Variants in PHB1 observed in about 807,000 individuals in gnomAD.
PHB1 encodes epididymis luminal protein 215.
chr17:49,409,543 G>GTTTTTTTTTTTT, the PHB1 span: 3 of 839,080 alleles, frequency 3.6e-6, no homozygotes, highest in East Asian at 4.2e-5. Flanking sequence ...TTTTTTTTTT[G>GTTTTTTTTTTTT]TTTTTTTTTT....
the PHB1 span, among the ~76,000 whole-genome samples, chr17:49,411,287 G>GC: frequency 6.5e-5 from 9 of 139,246 alleles, no homozygotes; most frequent in African/African-American, 2.2e-4. Context: ...TGCAACCTCC[G>GC]CCCCCCAGGC....
chr17:49,407,001 G>GT, the PHB1 span: 12 of 657,006 alleles, frequency 1.8e-5, no homozygotes, highest in Admixed American at 2.2e-4. Flanking sequence ...TTCCACCTCC[G>GT]TATCTGTATC....
chr17:49,409,096 G>A, the PHB1 span: 16 of 1,613,642 alleles, frequency 9.9e-6, no homozygotes, highest in East Asian at 1.3e-4. Context: ...CTGTAAGGTC[G>A]TCGCTCACCT....
chr17:49,412,784 AACAGAT>A, the PHB1 span: 1 of 169,192 alleles, frequency 5.9e-6, no homozygotes, highest in African/African-American at 2.4e-5. Flanking sequence ...AGGTCACCCA[AACAGAT>A]CTGCAGCCTT....
chr17:49,406,607 C>A, the PHB1 span: 1 of 666,878 alleles, frequency 1.5e-6, no homozygotes, highest in South Asian at 1.7e-5. Flanking sequence ...ACTCTGGAAC[C>A]AATTGCAGAA....
the PHB1 span, chr17:49,404,889 A>C: frequency 5.3e-6 from 4 of 759,540 alleles, no homozygotes; most frequent in East Asian, 2.7e-5. Flanking sequence ...CCAATCATGA[A>C]ATTTCACAGT....
At chr17:49,412,208 C>T in the PHB1 span, 4 of 188,936 alleles carry the variant, frequency 2.1e-5, no homozygotes, top group African/African-American at 4.7e-5. Flanking sequence ...ACATATCCAT[C>T]GGGCTCCAAT....
At chr17:49,414,859 G>C in the PHB1 span, 1 of 152,410 alleles carries the variant, frequency 6.6e-6, no homozygotes, top group Non-Finnish European at 1.5e-5. Context: ...ACCTCCACAT[G>C]AATTCCCCAA....
At chr17:49,409,593 G>A in the PHB1 span, 1 of 767,322 alleles carries the variant, frequency 1.3e-6, no homozygotes, top group Middle Eastern at 3.4e-4. Context: ...CTAGGCTGGA[G>A]TACAATGGGA....
the PHB1 span, chr17:49,412,878 G>A: frequency 6.9e-6 from 2 of 288,890 alleles, no homozygotes; most frequent in East Asian, 7.3e-5. Context: ...CAGACACTGT[G>A]CGGCAGCATT....
At chr17:49,409,856 C>T in the PHB1 span, among the ~76,000 whole-genome samples, 1 of 150,628 alleles carries the variant, frequency 6.6e-6, no homozygotes, top group Non-Finnish European at 1.5e-5. Flanking sequence ...TTTTATATGA[C>T]CTCTCCTACT....
the PHB1 span, chr17:49,404,626 G>T: frequency 3.0e-6 from 1 of 331,536 alleles, no homozygotes; most frequent in Admixed American, 4.4e-5. Flanking sequence ...GCCACACGTG[G>T]ATCTAGGCAG....
the PHB1 span, chr17:49,406,743 C>T: frequency 6.3e-7 from 1 of 1,595,338 alleles, no homozygotes; most frequent in African/African-American, 1.3e-5. Context: ...CTCCTGCCAT[C>T]TGGTCGAAGG....
the PHB1 span, chr17:49,407,099 C>T: frequency 6.1e-6 from 3 of 491,038 alleles, no homozygotes; most frequent in Non-Finnish European, 1.1e-5. Context: ...CCTCATGTAG[C>T]AAATGGCACC....
chr17:49,410,928 G>A, the PHB1 span, among the ~76,000 whole-genome samples: 1 of 152,204 alleles, frequency 6.6e-6, no homozygotes, highest in Non-Finnish European at 1.5e-5. Flanking sequence ...TCCAGGGAGA[G>A]AATTATACTT....
the PHB1 span, among the ~76,000 whole-genome samples, chr17:49,413,737 T>A: frequency 1.3e-5 from 2 of 152,160 alleles, no homozygotes; most frequent in Non-Finnish European, 2.9e-5. Flanking sequence ...CTCAAACTCC[T>A]GGGCTCAAGT....
At chr17:49,411,812 A>G in the PHB1 span, 1 of 1,614,212 alleles carries the variant, frequency 6.2e-7, no homozygotes, top group Non-Finnish European at 8.5e-7. Context: ...GAATCGGTCA[A>G]AGATGACAGC....
At chr17:49,409,493 A>G in the PHB1 span, 4 of 1,534,038 alleles carry the variant, frequency 2.6e-6, no homozygotes, top group East Asian at 9.8e-5. Context: ...GGGGACAAAC[A>G]CTGGAGTTAA....
the PHB1 span, chr17:49,411,929 G>C: frequency 3.3e-6 from 4 of 1,211,800 alleles, no homozygotes; most frequent in Non-Finnish European, 4.7e-6. Context: ...GGTGCTTTCT[G>C]TTCACTTATT....
Sources: allele counts gnomAD v4.1 joint callset (sites outside exome capture counted in the v4.1 genomes callset), GRCh38; gene constraint gnomAD v4.1.1; transcripts MANE v1.5; gene names NCBI Gene and HGNC (gene_info 2026-07-23, HGNC 2026-07-21).